Variants in PCDH10 observed in about 807,000 individuals in gnomAD.
PCDH10 encodes protocadherin 10, also known as protocadherin-10.
PCDH10 carries 15 observed loss-of-function variants against 74.4 expected under a neutral mutation model. The observed-to-expected ratio is 0.20, with a 90% confidence interval of 0.13 to 0.31. PCDH10 has a LOEUF of 0.31. Ranked by LOEUF, PCDH10 falls within the 10% of genes least tolerant of loss-of-function variation. The probability of loss-of-function intolerance (pLI) is 1.00; values close to 1 mark genes in which losing one functional copy is unlikely to be tolerated. For synonymous variants in PCDH10, 619 were observed against 589.8 expected (o/e 1.05, Z -0.72); for missense variants, 1,260 against 1,390.2 (o/e 0.91, Z 1.49).
At position 133,207,651 on chromosome 4, in the gene PCDH10, A is replaced by G. The variant is rs374000485; in HGVS notation, n.438-425A>G. Among the ~76,000 whole-genome samples the G allele has an allele frequency of 2.6e-5, 4 of 152,272 alleles. No individual in the cohort carries two copies. The East Asian group carries it at 5.8e-4, about 22-fold the overall frequency. On this transcript the variant is annotated intron_variant and non_coding_transcript_variant, in intron 2 of 2. Coordinates refer to the PCDH10 transcript ENST00000511112. ...AAAAATGTAAGTAACTGTACTCATC[A>G]ATTACAAGTTATGAAACTTTCTAAA...
intron 4 of PCDH10, among the ~76,000 whole-genome samples, chr4:133,183,788 G>A (rs777145760): frequency 1.4e-4 from 22 of 152,088 alleles, no homozygotes; most frequent in Non-Finnish European, 2.4e-4. Context: ...GGTAACATTA[G>A]AATTTTAGGA....
chr4:133,155,373 T>C (rs1012209735), intron 3 of PCDH10, among the ~76,000 whole-genome samples: 2 of 152,170 alleles, frequency 1.3e-5, no homozygotes, highest in African/African-American at 2.4e-5. Flanking sequence ...CTTAAACTTG[T>C]TTATGGATGA....
chr4:133,189,952 T>C (rs2125873711), intron 4 of PCDH10, among the ~76,000 whole-genome samples, 189 bp from the exon 5 acceptor site: 1 of 152,182 alleles, frequency 6.6e-6, no homozygotes, highest in Admixed American at 6.6e-5. Context: ...ATATCAAAAT[T>C]ATCATTCTCA....
At chr4:133,185,474 T>G (rs1727526430) in intron 4 of PCDH10, among the ~76,000 whole-genome samples, 3 of 152,146 alleles carry the variant, frequency 2.0e-5, no homozygotes. Flanking sequence ...AAAAAATGGA[T>G]TAACTGTACA....
chr4:133,157,656 C>T (rs1726893609), intron 3 of PCDH10, among the ~76,000 whole-genome samples: 2 of 152,188 alleles, frequency 1.3e-5, no homozygotes, highest in South Asian at 4.1e-4. Flanking sequence ...CCATATTCCA[C>T]ACTATAGTGT....
chr4:133,178,424 C>T (rs1018631634), intron 4 of PCDH10, among the ~76,000 whole-genome samples: 15 of 151,850 alleles, frequency 9.9e-5, no homozygotes, highest in Admixed American at 2.0e-4. Flanking sequence ...TTAGTAGAGA[C>T]GGGGTTTCTC....
intron 3 of PCDH10, among the ~76,000 whole-genome samples, chr4:133,159,127 A>G (rs555582757): frequency 6.6e-6 from 1 of 152,208 alleles, no homozygotes; most frequent in South Asian, 2.1e-4. Flanking sequence ...AATTTATCAT[A>G]TTTGGAAAAA....
chr4:133,202,863 G>T (rs185332798), intron 2 of PCDH10, among the ~76,000 whole-genome samples: 77 of 152,252 alleles, frequency 5.1e-4, no homozygotes, highest in African/African-American at 1.8e-3. Flanking sequence ...GTTGTTCCCA[G>T]GTTGTCAAGA....
In PCDH10 at chr4:133,150,520, T is replaced by G; in HGVS notation, c.380T>G (p.Leu127Arg). 2 of 1,613,686 alleles carry G rather than the reference T, an allele frequency of 1.2e-6. No homozygotes were observed. Among genetic ancestry groups the G allele is most frequent in the Non-Finnish European group, 1.7e-6 (2 of 1,179,914 alleles). The stretch of plus-strand genomic sequence containing the variant: ...CCCCCCTCTTTCCCGGAGCCAGACC[T>G]GACGGTGGAAATCTCTGAGAGCGCC... ...DNPPSFPEPD[L>R]TVEISESATP... Residue 127 changes from leucine to arginine, a missense_variant, in exon 1 of 5, where the codon CTG becomes CGG. By Grantham distance (102) the Leu-to-Arg change is moderately radical (BLOSUM62 -2). Transcript: ENST00000264360.
chr4:133,155,130 C>T, intron 3 of PCDH10, 107 bp downstream of exon 3: 2 of 723,378 alleles, frequency 2.8e-6, no homozygotes, highest in Non-Finnish European at 4.9e-6. Flanking sequence ...AGGTCTAATG[C>T]TGGTAACTCT....
At chr4:133,153,112 G>T (rs894352057) in intron 1 of PCDH10, 1 of 1,304,098 alleles carries the variant, frequency 7.7e-7, no homozygotes, top group African/African-American at 1.5e-5. Flanking sequence ...ATGTGGAGGA[G>T]GGACTTACTT....
chr4:133,169,819 A>G (rs1020520170), intron 4 of PCDH10, among the ~76,000 whole-genome samples: 18 of 151,988 alleles, frequency 1.2e-4, no homozygotes, highest in African/African-American at 4.3e-4. Context: ...TGTGCCAGAC[A>G]TTTTTTGGGT....
At chr4:133,154,560 G>A (rs948862432) in intron 2 of PCDH10, among the ~76,000 whole-genome samples, 195 bp downstream of exon 2, 2 of 151,894 alleles carry the variant, frequency 1.3e-5, no homozygotes, top group Non-Finnish European at 2.9e-5. Context: ...TATATACAAC[G>A]CTTAAACTAT....
intron 2 of PCDH10, among the ~76,000 whole-genome samples, chr4:133,205,198 A>G (rs535204355): frequency 3.3e-5 from 5 of 152,126 alleles, no homozygotes; most frequent in Admixed American, 6.6e-5. Flanking sequence ...GCCAACACAT[A>G]ACAATGGGCC....
At chr4:133,202,035 A>T (rs1316210187) in intron 2 of PCDH10, among the ~76,000 whole-genome samples, 2 of 152,066 alleles carry the variant, frequency 1.3e-5, no homozygotes, top group African/African-American at 2.4e-5. Flanking sequence ...TTAGACCCCC[A>T]TTAGCTCCTT....
chr4:133,203,150 G>A (rs1727937557), intron 2 of PCDH10, among the ~76,000 whole-genome samples: 1 of 152,136 alleles, frequency 6.6e-6, no homozygotes, highest in Non-Finnish European at 1.5e-5. Flanking sequence ...AATTGCCACT[G>A]TAAAGATGTA....
chr4:133,150,543 G>T lies in PCDH10; in HGVS notation c.403G>T (p.Ala135Ser). 6.2e-7 allele frequency: 1 copy of T among 1,613,698 alleles called. No individual in the cohort carries two copies. The highest frequency in any genetic ancestry group is 8.5e-7 in the Non-Finnish European group (1 of 1,179,950). The change falls in exon 1 of 5, where the codon GCC (alanine) becomes TCC (serine). Residue 135 changes from alanine (A) to serine (S), a missense_variant. Physicochemically the swap from Ala to Ser is moderately conservative, Grantham distance 99. This residue lies in a region of PCDH10 where 63 missense variants were observed against 100.7 expected (regional missense o/e 0.63). Transcript: ENST00000264360. Reference protein sequence around the residue: ...PDLTVEISESATPGTRFPLES... With the variant: ...PDLTVEISESSTPGTRFPLES... ...CCTGACGGTGGAAATCTCTGAGAGC[G>T]CCACGCCAGGCACTCGCTTCCCCTT... is the stretch of plus-strand genomic sequence containing the variant.
chr4:133,157,861 G>A lies in PCDH10; in HGVS notation c.2797+2838G>A, dbSNP rs76795663. Among the ~76,000 whole-genome samples, 848 of 151,446 alleles carry A rather than the reference G, an allele frequency of 5.6e-3. 12 individuals are homozygous for A. The highest frequency in any genetic ancestry group is 0.018 in the African/African-American group (758 of 41,206). On this transcript the variant is annotated intron_variant, in intron 3 of 4. Coordinates refer to ENST00000264360, the MANE Select transcript of PCDH10 (RefSeq NM_032961.3). ...TTTTCTTTTTTCTAAGCCATTTGCC[G>A]TCACCAATGTTGTTCATAGAAGGGC... is the stretch of plus-strand genomic sequence containing the variant.
chr4:133,164,163 T>G (rs1260036721), intron 4 of PCDH10: 1 of 327,970 alleles, frequency 3.0e-6, no homozygotes, highest in Non-Finnish European at 5.9e-6. Context: ...CAAAAAATCA[T>G]TTGTTTTGCT....
Sources: allele counts gnomAD v4.1 joint callset (sites outside exome capture counted in the v4.1 genomes callset), GRCh38; gene constraint gnomAD v4.1.1; regional missense constraint gnomAD v4.1.1; transcripts MANE v1.5; gene names NCBI Gene and HGNC (gene_info 2026-07-23, HGNC 2026-07-21).